Variants in MGAT4C observed in about 807,000 individuals in gnomAD.
MGAT4C encodes MGAT4 family member C, also known as alpha-1,3-mannosyl-glycoprotein 4-beta-N-acetylglucosaminyltransferase C.
MGAT4C carries 19 observed loss-of-function variants against 40.1 expected under a neutral mutation model. That is an observed-to-expected ratio of 0.47 (90% confidence interval 0.33 to 0.70). MGAT4C has a LOEUF of 0.70. MGAT4C is among the 30% of genes least tolerant of loss of function. The probability of loss-of-function intolerance (pLI) is 0.02; values close to 1 mark genes in which losing one functional copy is unlikely to be tolerated. For synonymous variants in MGAT4C, 181 were observed against 187.1 expected (o/e 0.97, Z 0.27); for missense variants, 491 against 563.2 (o/e 0.87, Z 1.30).
At chr12:86,194,262 A>G (rs948903428) in intron 1 of MGAT4C, among the ~76,000 whole-genome samples, 2 of 150,688 alleles carry the variant, frequency 1.3e-5, no homozygotes, top group African/African-American at 4.8e-5. Context: ...AAAGTCCAAT[A>G]ACCCTTGTTT....
intron 2 of MGAT4C, among the ~76,000 whole-genome samples, chr12:86,635,840 T>C (rs1963203350): frequency 6.6e-6 from 1 of 151,418 alleles, no homozygotes; most frequent in Non-Finnish European, 1.5e-5. Flanking sequence ...CATGTTCAGG[T>C]AATTTTTTTT....
At position 85,978,604 on chromosome 12, in the gene MGAT4C, T is replaced by C. The variant is rs960408997; in HGVS notation, c.*685A>G. The C allele has an allele frequency of 2.0e-5, 3 of 151,816 alleles. No individual in the cohort carries two copies. Among genetic ancestry groups the C allele is most frequent in the Non-Finnish European group, 3.0e-5 (2 of 67,536 alleles). The allele number at this position is 151,816 out of a possible 1,614,324, so 9.4% of individuals were successfully genotyped here. On this transcript the variant is annotated 3_prime_UTR_variant, in exon 5 of 5. Coordinates refer to ENST00000611864, the MANE Select transcript of MGAT4C (RefSeq NM_001351288.2). ...TCTTTTTTTTTTTCAAAAGGGAAAC[T>C]TGAAAAAGACTGCTTCCCCCAGAAA...
At chr12:85,989,900 G>A (rs1885690411) in intron 2 of MGAT4C, among the ~76,000 whole-genome samples, 1 of 152,064 alleles carries the variant, frequency 6.6e-6, no homozygotes, top group Non-Finnish European at 1.5e-5. Flanking sequence ...ACTGTCATCA[G>A]TGAGGTATAA....
chr12:86,648,670 C>G (rs1271869697), intron 2 of MGAT4C, among the ~76,000 whole-genome samples: 1 of 151,916 alleles, frequency 6.6e-6, no homozygotes, highest in African/African-American at 2.4e-5. Flanking sequence ...ACGTCCCGGA[C>G]TCCTGAACTG....
At chr12:86,124,641 T>C (rs73387105) in intron 1 of MGAT4C, among the ~76,000 whole-genome samples, 4,472 of 151,894 alleles carry the variant, frequency 0.029, 274 homozygotes, top group East Asian at 0.28. Context: ...TCTTAGAAAA[T>C]AGCAGCATTC....
intron 2 of MGAT4C, among the ~76,000 whole-genome samples, chr12:86,048,103 T>C (rs56901009): frequency 0.024 from 3,672 of 152,172 alleles, 153 homozygotes; most frequent in African/African-American, 0.084. Flanking sequence ...CAGAATTTCT[T>C]AACACAAATG....
chr12:86,590,030 A>C (rs1443473681), intron 2 of MGAT4C, among the ~76,000 whole-genome samples: 1 of 151,986 alleles, frequency 6.6e-6, no homozygotes, highest in Non-Finnish European at 1.5e-5. Context: ...AACACTTCGT[A>C]GGATGCTGAT....
intron 1 of MGAT4C, among the ~76,000 whole-genome samples, chr12:86,194,218 T>C (rs948003191): frequency 1.4e-4 from 22 of 152,188 alleles, no homozygotes; most frequent in Non-Finnish European, 3.1e-4. Context: ...TACCTTGTTG[T>C]ATACATTAAT....
intron 1 of MGAT4C, among the ~76,000 whole-genome samples, chr12:86,774,152 C>T (rs1489019826): frequency 6.6e-6 from 1 of 151,576 alleles, no homozygotes; most frequent in Non-Finnish European, 1.5e-5. Context: ...TCGGATTTCA[C>T]TATGTTGGCC....
At chr12:85,990,921 G>A (rs1885843126) in intron 2 of MGAT4C, among the ~76,000 whole-genome samples, 1 of 152,128 alleles carries the variant, frequency 6.6e-6, no homozygotes, top group Non-Finnish European at 1.5e-5. Context: ...ATAATGCTTT[G>A]GAGGCAATAT....
intron 2 of MGAT4C, among the ~76,000 whole-genome samples, chr12:86,650,345 A>G (rs1963661286): frequency 6.6e-6 from 1 of 151,910 alleles, no homozygotes; most frequent in South Asian, 2.1e-4. Context: ...ATATTATGCT[A>G]GAAACTCTGT....
At chr12:86,628,992 G>A (rs548931966) in intron 2 of MGAT4C, among the ~76,000 whole-genome samples, 4 of 152,132 alleles carry the variant, frequency 2.6e-5, no homozygotes, top group South Asian at 4.2e-4. Flanking sequence ...CTATTAGTGC[G>A]CTGTATTCAG....
At chr12:86,775,605 A>G (rs549984095) in intron 1 of MGAT4C, among the ~76,000 whole-genome samples, 1 of 151,610 alleles carries the variant, frequency 6.6e-6, no homozygotes, top group East Asian at 1.9e-4. Context: ...ATGGTATGTG[A>G]AAGTGCTACA....
intron 3 of MGAT4C, among the ~76,000 whole-genome samples, chr12:86,403,204 A>G (rs1470677993): frequency 6.6e-6 from 1 of 152,190 alleles, no homozygotes; most frequent in Non-Finnish European, 1.5e-5. Flanking sequence ...GGTAAAGCTT[A>G]CCTTCCACCA....
rs920959839 is a variant in MGAT4C, at chr12:86,494,807, C to G, written c.-228-59542G>C. 7.9e-5 allele frequency among the ~76,000 whole-genome samples: 12 copies of G among 151,822 alleles called. No homozygotes were observed. The Middle Eastern group carries it at 0.01, about 131-fold the overall frequency. ...TAATAAAAATAGGCAACTAGTTCAT[C>G]AAAGAAAAAGGGATTGAATTATAAG... On this transcript the variant is annotated intron_variant, in intron 2 of 7. Coordinates refer to the MGAT4C transcript ENST00000548651.
At chr12:86,584,202 C>T (rs958255290) in intron 2 of MGAT4C, among the ~76,000 whole-genome samples, 1 of 150,614 alleles carries the variant, frequency 6.6e-6, no homozygotes, top group South Asian at 2.1e-4. Flanking sequence ...ATGAGAGATA[C>T]AGAAATAAAG....
intron 4 of MGAT4C, among the ~76,000 whole-genome samples, chr12:86,314,786 CTAAG>C (rs1330753413): frequency 6.6e-6 from 1 of 152,186 alleles, no homozygotes; most frequent in Non-Finnish European, 1.5e-5. Flanking sequence ...ATACAATTAT[CTAAG>C]TAGGTGAAAG....
intron 1 of MGAT4C, among the ~76,000 whole-genome samples, chr12:86,145,928 C>T (rs561976469): frequency 1.1e-4 from 16 of 151,846 alleles, no homozygotes; most frequent in South Asian, 2.1e-4. Flanking sequence ...CTACTAGATG[C>T]GACATGAAAA....
intron 1 of MGAT4C, among the ~76,000 whole-genome samples, chr12:86,099,288 T>C (rs1251180588): frequency 6.6e-6 from 1 of 151,438 alleles, no homozygotes; most frequent in Non-Finnish European, 1.5e-5. Flanking sequence ...AGAACTTTCA[T>C]CTTTTCTTCT....
Sources: allele counts gnomAD v4.1 joint callset (sites outside exome capture counted in the v4.1 genomes callset), GRCh38; gene constraint gnomAD v4.1.1; transcripts MANE v1.5; gene names NCBI Gene and HGNC (gene_info 2026-07-23, HGNC 2026-07-21).